Variants in NOS3 observed in about 807,000 individuals in gnomAD.
NOS3 encodes the protein NOS type III.
A neutral mutation model predicts 144.9 loss-of-function variants in NOS3; 98 were observed. The observed-to-expected ratio is 0.68, with a 90% CI of 0.57 to 0.80. The LOEUF is 0.80. Among genes scored for constraint, NOS3 ranks in the 30% least tolerant of loss-of-function variants. The pLI, the probability that NOS3 is intolerant of heterozygous loss-of-function variation, is 0.00. For missense variants in NOS3, 1,465 were observed against 1,656.4 expected (o/e 0.88, Z 2.01); for synonymous variants, 714 against 702.4 (o/e 1.02, Z -0.26).
In NOS3 at chr7:151,014,089, T is replaced by C; in HGVS notation, c.3532T>C (p.Phe1178Leu). 1 of 1,613,740 alleles carries C rather than the reference T, an allele frequency of 6.2e-7. No homozygotes were observed. ...EVTSRIRTQSFSLQERQLRGA... is the reference protein window; with the variant it reads ...EVTSRIRTQSLSLQERQLRGA... Reference sequence around the variant, plus strand: ...GACAAGCCGCATACGCACCCAGAGCTTTTCCTTGCAGGAGCGTCAGTTGCG... The same window carrying C: ...GACAAGCCGCATACGCACCCAGAGCCTTTCCTTGCAGGAGCGTCAGTTGCG... The change falls in exon 27 of 27, where the codon TTT becomes CTT. Residue 1178 changes from phenylalanine to leucine, a missense_variant. By Grantham distance (22) the Phe-to-Leu change is conservative. Around this residue, in one of 5 missense-constraint regions of NOS3, gnomAD observed 228 missense variants for 227.7 expected, o/e 1.00. Coordinates refer to ENST00000297494, the MANE Select transcript of NOS3 (RefSeq NM_000603.5).
intron 21 of NOS3, 112 bp from the exon 22 acceptor site, chr7:151,010,485 C>A: frequency 8.3e-7 from 1 of 1,208,608 alleles, no homozygotes; most frequent in Non-Finnish European, 1.1e-6. Context: ...ACTCTATTGG[C>A]CTGAACTGAG....
At position 150,993,892 on chromosome 7, in the gene NOS3, G is replaced by A. The variant is rs773099942; in HGVS notation, c.89G>A (p.Gly30Asp). 3 of 1,600,098 alleles carry A rather than the reference G, an allele frequency of 1.9e-6. No homozygotes were observed. The highest frequency in any genetic ancestry group is 1.7e-6 in the Non-Finnish European group (2 of 1,174,716). The change falls in exon 2 of 27, where the codon GGC (glycine) becomes GAC (aspartate). Residue 30 changes from glycine to aspartate, a missense_variant. By Grantham distance (94) the Gly-to-Asp change is moderately conservative. Coordinates refer to ENST00000297494, the MANE Select transcript of NOS3 (RefSeq NM_000603.5). The surrounding 1 kb of genome is among the most constrained non-coding windows in gnomAD (Gnocchi z 4.0). ...GLGLGLCGKQGPATPAPEPSR... is the reference protein window; with the variant it reads ...GLGLGLCGKQDPATPAPEPSR... Reference sequence around the variant, plus strand: ...GGCCTTGGGCTGTGCGGCAAGCAGGGCCCAGCCACCCCGGCCCCTGAGCCC... The same window carrying A: ...GGCCTTGGGCTGTGCGGCAAGCAGGACCCAGCCACCCCGGCCCCTGAGCCC...
At chr7:151,013,090 C>A (rs971482881) in intron 24 of NOS3, 141 bp from the exon 25 acceptor site, 3 of 902,870 alleles carry the variant, frequency 3.3e-6, no homozygotes, top group Non-Finnish European at 5.1e-6. Flanking sequence ...TCTACACTCT[C>A]TTAGAGATGA....
At chr7:150,992,542 C>T (rs561796718) in intron 1 of NOS3, among the ~76,000 whole-genome samples, 120 of 152,276 alleles carry the variant, frequency 7.9e-4, no homozygotes, top group African/African-American at 2.8e-3. Context: ...CTCCATCCTC[C>T]AAAACTGGCA....
At position 151,001,297 on chromosome 7, in the gene NOS3, G is replaced by A. The variant is rs563793183; in HGVS notation, c.1300G>A (p.Glu434Lys). 2 of 1,613,816 alleles carry A rather than the reference G, an allele frequency of 1.2e-6. No individual in the cohort carries two copies. The highest frequency in any genetic ancestry group is 2.7e-5 in the African/African-American group (2 of 75,036). Reference protein sequence around the residue: ...TASFMKHLENEQKARGGCPAD... With the variant: ...TASFMKHLENKQKARGGCPAD... ...CTCTTTCATGAAGCACCTGGAGAAT[G>A]AGCAGAAGGCCAGGGGGGGCTGCCC... The change falls in exon 11 of 27, where the codon GAG becomes AAG. Residue 434 changes from glutamate (E) to lysine (K), a missense_variant. Physicochemically the swap from Glu to Lys is moderately conservative, Grantham distance 56. Around this residue, in one of 5 missense-constraint regions of NOS3, gnomAD observed 745 missense variants for 853.9 expected, o/e 0.87. Coordinates refer to ENST00000297494, the MANE Select transcript of NOS3 (RefSeq NM_000603.5).
Position 150,996,496 on chromosome 7 carries a change from G to A in NOS3, c.363G>A (p.Glu121=). ...CCTCCCCCGGCCCCCCGGCCCCTGA[G>A]CAGCTGCTGAGTCAGGCCCGGGACT... ...GRPSPGPPAP[E]QLLSQARDFI... The change falls in exon 4 of 27, where the codon GAG becomes GAA. Residue 121 remains glutamate, a synonymous_variant. Transcript: ENST00000297494. The A allele has an allele frequency of 6.2e-7, 1 of 1,604,842 alleles. No individual in the cohort carries two copies.
chr7:150,998,741 G>A lies in NOS3; in HGVS notation c.816+61G>A. 6.4e-7 allele frequency: 1 copy of A among 1,555,774 alleles called. No individual in the cohort carries two copies. The highest frequency in any genetic ancestry group is 8.7e-7 in the Non-Finnish European group (1 of 1,147,638). ...AGGTGGAGAATGAGGAAACCAGTGG[G>A]AGAAGGCTCGGGGGATCCAGGCAGG... is the stretch of plus-strand genomic sequence containing the variant. On this transcript the variant is annotated intron_variant, in intron 7 of 26. Coordinates refer to ENST00000297494, the MANE Select transcript of NOS3 (RefSeq NM_000603.5). This position sits in a 1 kb window ranked among gnomAD's most constrained non-coding sequence, Gnocchi z 5.0.
rs1795216431 is a variant in NOS3 at position 151,007,049 on chromosome 7, C to T, written c.1937+44C>T. 1.9e-6 allele frequency: 3 copies of T among 1,613,910 alleles called. No individual in the cohort carries two copies. In the Admixed American group the frequency reaches 5.0e-5, roughly 27 times the overall value. ...GGGGTGCAACGGGTGGGCAAGCTGC[C>T]TGGGCAAACGTGGCCTGCAAAGGGA... On this transcript the variant is annotated intron_variant, in intron 16 of 26. Transcript: ENST00000297494.
At chr7:151,007,749 C>CG (rs1017585090) in intron 17 of NOS3, among the ~76,000 whole-genome samples, 1 of 152,226 alleles carries the variant, frequency 6.6e-6, no homozygotes, top group South Asian at 2.1e-4. Context: ...GAACTGGTCC[C>CG]GGGCCGGGCA....
rs1313218151 is a variant in NOS3, at chr7:151,002,633, C to A, written c.1752+329C>A. Among the ~76,000 whole-genome samples, 1 of 152,102 alleles carries A rather than the reference C, an allele frequency of 6.6e-6. No individual in the cohort carries two copies. The highest frequency in any genetic ancestry group is 1.5e-5 in the Non-Finnish European group (1 of 68,026). ...ACAAGGAAGGCACATCCTGGCTGAC[C>A]AAGAGGTTAGACTGTGCTCGGGCAC... On this transcript the variant is annotated intron_variant, in intron 14 of 26. Transcript: ENST00000297494. The surrounding 1 kb of genome is among the most constrained non-coding windows in gnomAD (Gnocchi z 4.1).
Position 151,001,271 on chromosome 7 carries a change from C to T in NOS3, c.1274C>T (p.Ala425Val), listed in dbSNP as rs775196910. 6.2e-7 allele frequency: 1 copy of T among 1,613,678 alleles called. No homozygotes were observed. The highest frequency in any genetic ancestry group is 1.3e-5 in the African/African-American group (1 of 74,922). ...ATCGTGGACCACCACGCCGCCACGG[C>T]CTCTTTCATGAAGCACCTGGAGAAT... ...VTIVDHHAAT[A>V]SFMKHLENEQ... Residue 425 changes from alanine to valine, a missense_variant, in exon 11 of 27, where the codon GCC becomes GTC. By Grantham distance (64) the Ala-to-Val change is moderately conservative. Around this residue, in one of 5 missense-constraint regions of NOS3, gnomAD observed 745 missense variants for 853.9 expected, o/e 0.87. Transcript: ENST00000297494.
In NOS3 at chr7:151,013,906, C is replaced by A; in HGVS notation, c.3438C>A (p.Ile1146=). The change falls in exon 26 of 27, where the codon ATC becomes ATA. Residue 1146 remains isoleucine, a synonymous_variant. Transcript: ENST00000297494. ...AGCTGGACGAGGCCGGCGACGTCAT[C>A]GGCGTGCTGCGGGTGCGGAGGGGCG... The part of the protein sequence containing the change: ...DMELDEAGDV[I]GVLRDQQRYH... 6.3e-7 allele frequency: 1 copy of A among 1,599,108 alleles called. No individual in the cohort carries two copies. Among genetic ancestry groups the A allele is most frequent in the Non-Finnish European group, 8.5e-7 (1 of 1,173,086 alleles).
At chr7:151,005,859 C>G (rs940060761) in intron 14 of NOS3, among the ~76,000 whole-genome samples, 12 of 152,202 alleles carry the variant, frequency 7.9e-5, no homozygotes, top group African/African-American at 2.9e-4. Flanking sequence ...GAGACTCCAT[C>G]TCTTCAGAAA....
At position 151,003,122 on chromosome 7, in the gene NOS3, A is replaced by G. The variant is rs1276344763; in HGVS notation, c.1752+818A>G. Reference sequence around the variant, plus strand: ...TATTAGCACTAAGTACTTCCTCAGTACTCTTTTTTCTTTTTTCCTTTGAGA... The same window carrying G: ...TATTAGCACTAAGTACTTCCTCAGTGCTCTTTTTTCTTTTTTCCTTTGAGA... On this transcript the variant is annotated intron_variant, in intron 14 of 26. Coordinates refer to ENST00000297494, the MANE Select transcript of NOS3 (RefSeq NM_000603.5). This position sits in a 1 kb window ranked among gnomAD's most constrained non-coding sequence, Gnocchi z 4.1. 4.4e-6 allele frequency: 2 copies of G among 449,542 alleles called. No individual in the cohort carries two copies. The highest frequency in any genetic ancestry group is 2.0e-5 in the African/African-American group (1 of 49,088). 27.8% of individuals were successfully genotyped at this position (449,542 alleles called of 1,614,324 possible). A position where few individuals can be genotyped will look rare whatever the true frequency, so the allele number is the denominator to read the frequency against.
chr7:151,007,048 C>T (rs778342579), intron 16 of NOS3, 43 bp downstream of exon 16: 4 of 1,613,962 alleles, frequency 2.5e-6, no homozygotes, highest in Non-Finnish European at 3.4e-6. Flanking sequence ...GGGCAAGCTG[C>T]CTGGGCAAAC....
At chr7:150,994,487 C>A (rs1300381994) in intron 2 of NOS3, among the ~76,000 whole-genome samples, 2 of 152,088 alleles carry the variant, frequency 1.3e-5, no homozygotes, top group Non-Finnish European at 2.9e-5. Context: ...AGCCACCAGG[C>A]TTTTTTCCCC....
chr7:150,997,834 C>A (rs934739774), intron 5 of NOS3, among the ~76,000 whole-genome samples: 2 of 152,206 alleles, frequency 1.3e-5, no homozygotes, highest in African/African-American at 4.8e-5. Context: ...CTGTCACTGA[C>A]ACATGTTTCC....
At chr7:151,011,256 T>C (rs1327684059) in intron 23 of NOS3, among the ~76,000 whole-genome samples, 1 of 151,996 alleles carries the variant, frequency 6.6e-6, no homozygotes, top group Non-Finnish European at 1.5e-5. Context: ...AGCTTCTGTG[T>C]TCCTCTCTAT....
chr7:151,009,627 T>C, intron 20 of NOS3, 42 bp downstream of exon 20: 1 of 1,445,710 alleles, frequency 6.9e-7, no homozygotes, highest in Non-Finnish European at 9.2e-7. Flanking sequence ...ACCAGCCCCA[T>C]GCCCAGCCCC....
Sources: allele counts gnomAD v4.1 joint callset (sites outside exome capture counted in the v4.1 genomes callset), GRCh38; gene constraint gnomAD v4.1.1; regional missense constraint gnomAD v4.1.1; non-coding constraint Gnocchi (gnomAD v3.1); transcripts MANE v1.5; gene names NCBI Gene and HGNC (gene_info 2026-07-23, HGNC 2026-07-21).